ANKRD28: variants seen among roughly 807,000 people sequenced by gnomAD.
ANKRD28 encodes serine/threonine-protein phosphatase 6 regulatory ankyrin repeat subunit A.
In ANKRD28, 44 loss-of-function variants were observed where a neutral mutation model predicts 126.5. The ratio of observed to expected loss-of-function variants is 0.35; its 90% CI spans 0.27 to 0.45. The LOEUF is 0.45. Among genes scored for constraint, ANKRD28 ranks in the 20% least tolerant of loss-of-function variants. The pLI, the probability that ANKRD28 is intolerant of heterozygous loss-of-function variation, is 1.00. For synonymous variants in ANKRD28, 442 were observed against 468.5 expected (o/e 0.94, Z 0.73); for missense variants, 1,110 against 1,316.6 (o/e 0.84, Z 2.43).
intron 6 of ANKRD28, among the ~76,000 whole-genome samples, chr3:15,726,315 T>C (rs75611278): frequency 0.025 from 3,863 of 151,926 alleles, 166 homozygotes; most frequent in African/African-American, 0.086. Flanking sequence ...AGTTACCAAG[T>C]AGTGAATGCA....
chr3:15,766,292 T>C lies in ANKRD28; in HGVS notation c.222A>G (p.Pro74=). ...CTCCAAGGTAAGCTGCGGCGTGCAA[T>C]GGGGTTCGCTTTTCATTGTCCTGTG... ...VNFQDNEKRT[P]LHAAAYLGDA... is the part of the protein sequence containing the mutation. Residue 74 remains proline (P), a synonymous_variant, in exon 3 of 28, where the codon CCA becomes CCG. Transcript: ENST00000683139. The C allele has an allele frequency of 6.2e-7, 1 of 1,611,180 alleles. No homozygotes were observed. The highest frequency in any genetic ancestry group is 1.3e-5 in the African/African-American group (1 of 74,998).
chr3:15,820,222 T>C (rs887509296), intron 1 of ANKRD28, among the ~76,000 whole-genome samples: 1 of 152,304 alleles, frequency 6.6e-6, no homozygotes, highest in Non-Finnish European at 1.5e-5. Flanking sequence ...CATGTCTGTA[T>C]GTGTGTATAT....
chr3:15,721,296 C>T (rs1401499236), intron 7 of ANKRD28, among the ~76,000 whole-genome samples, 169 bp from the exon 8 acceptor site: 1 of 152,110 alleles, frequency 6.6e-6, no homozygotes, highest in Non-Finnish European at 1.5e-5. Flanking sequence ...AAATAATAAA[C>T]CCTTGACAAG....
rs1375317491 is a variant in ANKRD28, at chr3:15,721,076, T to C, written c.835A>G (p.Asn279Asp). The C allele has an allele frequency of 4.3e-6, 7 of 1,613,796 alleles. No homozygotes were observed. Among genetic ancestry groups the C allele is most frequent in the Middle Eastern group, 1.7e-4 (1 of 6,058 alleles). ...TCATTCACTACAACATCTTGTCCAT[T>C]ATAGCAGGCTACATGAAGAGGTGTA... ...GNTPLHVACY[N>D]GQDVVVNELI... Residue 279 changes from asparagine (N) to aspartate (D), a missense_variant, in exon 8 of 28, where the codon AAT becomes GAT. By Grantham distance (23) the Asn-to-Asp change is conservative. Transcript: ENST00000683139.
chr3:15,692,646 T>C (rs1316431833), intron 17 of ANKRD28, among the ~76,000 whole-genome samples: 1 of 152,190 alleles, frequency 6.6e-6, no homozygotes, highest in Non-Finnish European at 1.5e-5. Context: ...GTTTTCACTG[T>C]ACCAAGTTGT....
At chr3:15,746,738 T>C (rs577992515) in intron 4 of ANKRD28, among the ~76,000 whole-genome samples, 1 of 152,266 alleles carries the variant, frequency 6.6e-6, no homozygotes, top group Non-Finnish European at 1.5e-5. Flanking sequence ...TTAGGAAGGA[T>C]TGCCTCTTTT....
chr3:15,751,686 G>A, intron 4 of ANKRD28, 64 bp downstream of exon 4: 1 of 1,042,038 alleles, frequency 9.6e-7, no homozygotes, highest in Non-Finnish European at 1.4e-6. Flanking sequence ...TTTGAATATG[G>A]ATTCAGGGGT....
intron 18 of ANKRD28, among the ~76,000 whole-genome samples, chr3:15,688,465 T>C (rs2068405717): frequency 1.3e-5 from 2 of 152,170 alleles, no homozygotes; most frequent in Non-Finnish European, 2.9e-5. Context: ...CAGAATAAGG[T>C]AACAGCAAGT....
rs181758147 is a variant in ANKRD28, at chr3:15,787,090, C to T, written c.201+8133G>A. Among the ~76,000 whole-genome samples, 638 of 152,090 alleles carry T rather than the reference C, an allele frequency of 4.2e-3. 4 individuals are homozygous for T. Among genetic ancestry groups the T allele is most frequent in the Non-Finnish European group, 6.5e-3 (441 of 67,984 alleles). On this transcript the variant is annotated intron_variant, in intron 2 of 27. Transcript: ENST00000683139. Reference sequence around the variant, plus strand: ...AGTTCTGCTAGTTAAATAAATTATGCTATGAAATAAATTATAAAGAATGAG... The same window carrying T: ...AGTTCTGCTAGTTAAATAAATTATGTTATGAAATAAATTATAAAGAATGAG...
chr3:15,717,797 C>G (rs921519437), intron 8 of ANKRD28, among the ~76,000 whole-genome samples: 1 of 152,274 alleles, frequency 6.6e-6, no homozygotes, highest in South Asian at 2.1e-4. Flanking sequence ...CAGACCTATA[C>G]TGCTTTATAA....
At position 15,814,438 on chromosome 3, in the gene ANKRD28, G is replaced by A; in HGVS notation, c.28-19132C>T. 1 of 324,410 alleles carries A rather than the reference G, an allele frequency of 3.1e-6. No homozygotes were observed. The highest frequency in any genetic ancestry group is 5.1e-5 in the South Asian group (1 of 19,666). The allele number at this position is 324,410 out of a possible 1,614,324, so 20.1% of individuals were successfully genotyped here. A position where few individuals can be genotyped will look rare whatever the true frequency, so the allele number is the denominator to read the frequency against. The stretch of plus-strand genomic sequence containing the variant: ...TGGATAATATTCAAAAACTTACTTT[G>A]GATTTTATTAATTCAGAATTTACTT... On this transcript the variant is annotated intron_variant, in intron 1 of 27. Transcript: ENST00000399451. The surrounding 1 kb of genome is among the most constrained non-coding windows in gnomAD (Gnocchi z 4.7).
chr3:15,793,679 C>T (rs1274883853), intron 2 of ANKRD28, among the ~76,000 whole-genome samples: 3 of 152,206 alleles, frequency 2.0e-5, no homozygotes, highest in African/African-American at 7.2e-5. Context: ...TGTTTTCCAC[C>T]TTTTCATGCG....
chr3:15,723,102 A>G (rs1174736357), intron 7 of ANKRD28, among the ~76,000 whole-genome samples: 2 of 152,224 alleles, frequency 1.3e-5, no homozygotes, highest in African/African-American at 4.8e-5. Context: ...TCAAACAGTA[A>G]TCAGAAACAA....
chr3:15,834,571 G>A (rs1204456399), intron 1 of ANKRD28, among the ~76,000 whole-genome samples: 1 of 152,110 alleles, frequency 6.6e-6, no homozygotes, highest in Non-Finnish European at 1.5e-5. Flanking sequence ...TCAATCAAAG[G>A]GGAAAAAATC....
At chr3:15,805,250 AGG>A (rs147362952) in intron 1 of ANKRD28, among the ~76,000 whole-genome samples, 3,368 of 151,948 alleles carry the variant, frequency 0.022, 205 homozygotes, top group African/African-American at 0.075. Context: ...TAAGGAACAA[AGG>A]GAGAAAAACT....
chr3:15,808,233 C>A (rs1012291283), intron 1 of ANKRD28, among the ~76,000 whole-genome samples: 1 of 152,198 alleles, frequency 6.6e-6, no homozygotes, highest in Non-Finnish European at 1.5e-5. Context: ...AACCAAATAT[C>A]AACGGATTTG....
chr3:15,741,528 AT>A (rs1201176208), intron 4 of ANKRD28, among the ~76,000 whole-genome samples: 1 of 151,836 alleles, frequency 6.6e-6, no homozygotes, highest in East Asian at 1.9e-4. Flanking sequence ...GTGTGTCTTG[AT>A]TTTTTTTAAA....
At chr3:15,798,249 G>A (rs1450993219), upstream of ANKRD28, 9 of 802,774 alleles carry the variant, frequency 1.1e-5, no homozygotes, top group Non-Finnish European at 1.4e-5. Flanking sequence ...TAAAGCAAAT[G>A]TTTAACCCTA....
intron 17 of ANKRD28, 31 bp from the exon 18 acceptor site, chr3:15,690,251 C>T: frequency 1.3e-6 from 2 of 1,510,904 alleles, no homozygotes; most frequent in African/African-American, 2.8e-5. Flanking sequence ...AAATTTAAAA[C>T]ATACATATTT....
Sources: gnomAD v4.1 joint callset for allele counts (sites outside exome capture counted in the v4.1 genomes callset) on GRCh38, gnomAD v4.1.1 for gene constraint, Gnocchi (gnomAD v3.1) non-coding constraint, MANE v1.5 for transcripts, NCBI Gene and HGNC (gene_info 2026-07-23, HGNC 2026-07-21) for gene names.